The following TCFL5 variants were observed in gnomAD, a reference collection of about 807,000 sequenced individuals.
The protein encoded by TCFL5 is transcription factor-like 5 protein.
Under a neutral mutation model 44.3 loss-of-function variants are expected in TCFL5, and 9 were observed. The ratio of observed to expected loss-of-function variants is 0.20; its 90% CI spans 0.12 to 0.35. The LOEUF (loss-of-function observed/expected upper bound fraction) is 0.35. Ranked by LOEUF, TCFL5 falls within the 10% of genes least tolerant of loss-of-function variation. The pLI, the probability that TCFL5 is intolerant of heterozygous loss-of-function variation, is 1.00. For synonymous variants in TCFL5, 319 were observed against 271.6 expected, an observed-to-expected ratio of 1.17 and a Z score of -1.72; for missense variants, 603 against 613.4, an observed-to-expected ratio of 0.98 and a Z score of 0.18.
intron 5 of TCFL5, among the ~76,000 whole-genome samples, chr20:62,843,062 G>A (rs1285782994): frequency 6.6e-6 from 1 of 152,232 alleles, no homozygotes; most frequent in Non-Finnish European, 1.5e-5. Flanking sequence ...CACAGGCGAC[G>A]GCCCGATGAC....
chr20:62,855,707 G>A (rs944564690), intron 4 of TCFL5, among the ~76,000 whole-genome samples: 3 of 151,546 alleles, frequency 2.0e-5, no homozygotes, highest in East Asian at 4.0e-4. Flanking sequence ...CGAAGGTTGC[G>A]TTGAACCGAG....
chr20:62,845,803 T>C (rs377526736), intron 5 of TCFL5: 3 of 1,603,754 alleles, frequency 1.9e-6, no homozygotes, highest in African/African-American at 1.3e-5. Context: ...GGTGTGGCAA[T>C]GTGTCCAGGC....
chr20:62,852,939 A>G (rs2063832143), intron 5 of TCFL5: 1 of 1,289,382 alleles, frequency 7.8e-7, no homozygotes, highest in African/African-American at 1.5e-5. Flanking sequence ...CCCAGTCCGC[A>G]GAAGTATAGT....
intron 5 of TCFL5, among the ~76,000 whole-genome samples, chr20:62,849,538 C>T (rs1438945947): frequency 6.6e-6 from 1 of 151,828 alleles, no homozygotes; most frequent in Non-Finnish European, 1.5e-5. Flanking sequence ...GGGTGCTGGA[C>T]TGTGGAAAAA....
rs1463006907 is a variant in TCFL5 at position 62,860,268 on chromosome 20, C to T, written c.688G>A (p.Val230Ile). 1.2e-6 allele frequency: 2 copies of T among 1,613,334 alleles called. No homozygotes were observed. The highest frequency in any genetic ancestry group is 1.3e-5 in the African/African-American group (1 of 74,916). The change falls in exon 2 of 6, where the codon GTT becomes ATT. Residue 230 changes from valine (V) to isoleucine (I), a missense_variant. Val to Ile is a conservative substitution (Grantham distance 29). Coordinates refer to ENST00000335351, the MANE Select transcript of TCFL5 (RefSeq NM_006602.4). ...LIRHPSELMN[V>I]PLQQQNKCTA... ...CATTTGTTTTGTTGCTGAAGAGGAA[C>T]ATTCATTAGTTCAGATGGATGTCGA...
chr20:62,857,373 G>A, intron 4 of TCFL5, 22 bp downstream of exon 4: 1 of 1,612,150 alleles, frequency 6.2e-7, no homozygotes, highest in Non-Finnish European at 8.5e-7. Context: ...GAGTCAGCCT[G>A]ACAAGCAGTC....
chr20:62,856,252 C>CA (rs11473595), intron 4 of TCFL5, among the ~76,000 whole-genome samples: 15,965 of 63,342 alleles, frequency 0.25, 1,651 homozygotes, highest in Non-Finnish European at 0.31. Context: ...GACTCCGTCT[C>CA]AAAAAAAAAA....
chr20:62,845,751 G>C, intron 5 of TCFL5: 1 of 1,606,560 alleles, frequency 6.2e-7, no homozygotes, highest in Non-Finnish European at 8.5e-7. Context: ...CCCATGCGGA[G>C]ATAACTTCTC....
intron 3 of TCFL5, among the ~76,000 whole-genome samples, chr20:62,858,784 C>T (rs112078223): frequency 0.088 from 4,653 of 53,038 alleles, 1,120 homozygotes; most frequent in Middle Eastern, 0.24. Context: ...GAAGGGGCTA[C>T]GCAGGTGTTT....
At chr20:62,846,251 C>T (rs944354739) in intron 5 of TCFL5, 2 of 530,578 alleles carry the variant, frequency 3.8e-6, no homozygotes, top group South Asian at 2.0e-5. Context: ...TATTTTCACA[C>T]AGTGATGAGG....
chr20:62,851,581 C>T (rs2063810379), intron 5 of TCFL5: 1 of 985,192 alleles, frequency 1.0e-6, no homozygotes, highest in Non-Finnish European at 1.2e-6. Flanking sequence ...TGTAAATAAC[C>T]ATAAACGATC....
At chr20:62,849,923 C>G (rs2063786709) in intron 5 of TCFL5, among the ~76,000 whole-genome samples, 1 of 152,028 alleles carries the variant, frequency 6.6e-6, no homozygotes, top group Non-Finnish European at 1.5e-5. Context: ...TTACTGCACT[C>G]CAGCCTGGGA....
intron 3 of TCFL5, 21 bp downstream of exon 3, chr20:62,859,343 A>G (rs968867571): frequency 3.8e-6 from 6 of 1,597,546 alleles, no homozygotes; most frequent in Non-Finnish European, 5.1e-6. Flanking sequence ...AGCTCCCACT[A>G]CCTGCTGCTT....
In TCFL5 at chr20:62,842,830, C is replaced by T. The variant is rs1029624127; in HGVS notation, c.1381-733G>A. On this transcript the variant is annotated intron_variant, in intron 5 of 5. Coordinates refer to ENST00000335351, the MANE Select transcript of TCFL5 (RefSeq NM_006602.4). The surrounding 1 kb of genome is among the most constrained non-coding windows in gnomAD (Gnocchi z 4.3). ...AGGGGCATCTACCCCCACCCCAGGG[C>T]GACTGCCTTGCCCTCTGCACTGCCA... Among the ~76,000 whole-genome samples the T allele has an allele frequency of 3.9e-5, 6 of 152,206 alleles. No homozygotes were observed. Among genetic ancestry groups the T allele is most frequent in the African/African-American group, 1.2e-4 (5 of 41,456 alleles).
rs937750921 is a variant in TCFL5, at chr20:62,861,053, C to G, written c.618G>C (p.Glu206Asp). 3.0e-6 allele frequency: 3 copies of G among 995,304 alleles called. No individual in the cohort carries two copies. The Admixed American group carries it at 1.8e-4, about 61-fold the overall frequency. The allele number at this position is 995,304 out of a possible 1,614,324, so 61.7% of individuals were successfully genotyped here. A position where few individuals can be genotyped will look rare whatever the true frequency, so the allele number is the denominator to read the frequency against. Residue 206 changes from glutamate (E) to aspartate (D), a missense_variant, in exon 1 of 6, where the codon GAG becomes GAC. Physicochemically the swap from Glu to Asp is conservative, Grantham distance 45 (BLOSUM62 2). Transcript: ENST00000335351. This position sits in a 1 kb window ranked among gnomAD's most constrained non-coding sequence, Gnocchi z 4.0. Reference protein sequence around the residue: ...AEPPPAPRGPEPPEPGGALNN... With the variant: ...AEPPPAPRGPDPPEPGGALNN... ...TGAGCGCCCCGCCCGGCTCGGGGGG[C>G]TCGGGGCCGCGCGGCGCGGGCGGCG...
chr20:62,853,804 C>T (rs2043031296), intron 5 of TCFL5, among the ~76,000 whole-genome samples: 1 of 152,202 alleles, frequency 6.6e-6, no homozygotes, highest in African/African-American at 2.4e-5. Context: ...CAGTTATTTA[C>T]ACACTGAGTG....
At position 62,842,799 on chromosome 20, in the gene TCFL5, C is replaced by G. The variant is rs2063694458; in HGVS notation, c.1381-702G>C. ...ATTTTTAAAAAGTTTCAACAATTAA[C>G]AAGTCAGGGGCATCTACCCCCACCC... is the stretch of plus-strand genomic sequence containing the variant. On this transcript the variant is annotated intron_variant, in intron 5 of 5. Coordinates refer to ENST00000335351, the MANE Select transcript of TCFL5 (RefSeq NM_006602.4). This position sits in a 1 kb window ranked among gnomAD's most constrained non-coding sequence, Gnocchi z 4.3. Among the ~76,000 whole-genome samples, 1 of 152,166 alleles carries G rather than the reference C, an allele frequency of 6.6e-6. No homozygotes were observed. Among genetic ancestry groups the G allele is most frequent in the Non-Finnish European group, 1.5e-5 (1 of 68,016 alleles).
intron 5 of TCFL5, chr20:62,851,868 G>A: frequency 2.1e-6 from 2 of 970,906 alleles, no homozygotes; most frequent in Non-Finnish European, 2.4e-6. Flanking sequence ...GCAGTGCAGT[G>A]GTGCTATCTT....
intron 3 of TCFL5, among the ~76,000 whole-genome samples, chr20:62,857,932 G>A (rs1291270616): frequency 6.6e-6 from 1 of 151,622 alleles, no homozygotes; most frequent in East Asian, 1.9e-4. Flanking sequence ...TTAATTAACA[G>A]GTGTTATCTA....
Sources: allele counts gnomAD v4.1 joint callset (sites outside exome capture counted in the v4.1 genomes callset), GRCh38; gene constraint gnomAD v4.1.1; non-coding constraint Gnocchi (gnomAD v3.1); transcripts MANE v1.5; gene names NCBI Gene and HGNC (gene_info 2026-07-23, HGNC 2026-07-21).